C4orf54: variants seen among roughly 807,000 people sequenced by gnomAD.
C4orf54 encodes the protein uncharacterized protein C4orf54.
A neutral mutation model predicts 80.1 loss-of-function variants in C4orf54; 67 were observed. The observed-to-expected ratio is 0.84, with a 90% CI of 0.69 to 1.03. The LOEUF is 1.03. C4orf54 is among the 50% of genes least tolerant of loss of function. The probability of loss-of-function intolerance (pLI) is 0.00; values close to 1 mark genes in which losing one functional copy is unlikely to be tolerated. For missense variants in C4orf54, 2,434 were observed against 2,253.5 expected (o/e 1.08, Z -1.62); for synonymous variants, 1,000 against 917.0 (o/e 1.09, Z -1.64).
In C4orf54 at chr4:99,653,684, C is replaced by T. The variant is rs1490032028; in HGVS notation, c.965G>A (p.Gly322Glu). The stretch of plus-strand genomic sequence containing the variant: ...TCCCCCTCCTCCTGATATTTTCTCT[C>T]CTTCTCCTCCCACGGCCTGGCAACC... ...SEGCQAVGGEGEKISGGGGGG... is the reference protein window; with the variant it reads ...SEGCQAVGGEEEKISGGGGGG... The change falls in exon 2 of 3, where the codon GGA becomes GAA. Residue 322 changes from glycine (G) to glutamate (E), a missense_variant. Gly to Glu is a moderately conservative substitution (Grantham distance 98). Transcript: ENST00000511828. 6.6e-6 allele frequency: 10 copies of T among 1,526,136 alleles called. No homozygotes were observed. Among genetic ancestry groups the T allele is most frequent in the Non-Finnish European group, 8.8e-6 (10 of 1,141,588 alleles). 94.5% of individuals were successfully genotyped at this position (1,526,136 alleles called of 1,614,324 possible).
chr4:99,646,042 A>T (rs1056171509), intron 2 of C4orf54, among the ~76,000 whole-genome samples: 3 of 152,194 alleles, frequency 2.0e-5, no homozygotes, highest in Admixed American at 2.0e-4. Context: ...TTTTTTAATA[A>T]AGGAACATTT....
Position 99,652,484 on chromosome 4 carries a change from C to G in C4orf54, c.2165G>C (p.Ser722Thr). Reference sequence around the variant, plus strand: ...ATGTTTGATTTCCCCCTCGACTTTGCTGACCACGAACTCCAAGGCCTTGGT... The same window carrying G: ...ATGTTTGATTTCCCCCTCGACTTTGGTGACCACGAACTCCAAGGCCTTGGT... Reference protein sequence around the residue: ...SQTKALEFVVSKVEGEIKHVE... With the variant: ...SQTKALEFVVTKVEGEIKHVE... The change falls in exon 2 of 3, where the codon AGC (serine) becomes ACC (threonine). Residue 722 changes from serine (S) to threonine (T), a missense_variant. Transcript: ENST00000511828. 6.5e-7 allele frequency: 1 copy of G among 1,535,818 alleles called. No homozygotes were observed. The highest frequency in any genetic ancestry group is 8.7e-7 in the Non-Finnish European group (1 of 1,146,692).
chr4:99,654,778 T>A (rs1042008842), intron 1 of C4orf54, 99 bp from the exon 2 acceptor site: 1 of 587,266 alleles, frequency 1.7e-6, no homozygotes, highest in South Asian at 2.2e-5. Flanking sequence ...AAGAAGAGGC[T>A]CTAATGAGAT....
In C4orf54 at chr4:99,651,914, C is replaced by T; in HGVS notation, c.2735G>A (p.Arg912Gln). Residue 912 changes from arginine to glutamine, a missense_variant, in exon 2 of 3, where the codon CGG becomes CAG. Transcript: ENST00000511828. ...TTCTGTGTGTCCATCGGTGAAATTC[C>T]GGCCAGGGCCTGCGTTGCGCTCGCG... ...TPRERNAGPG[R>Q]NFTDGHTEVC... 2 of 1,536,126 alleles carry T rather than the reference C, an allele frequency of 1.3e-6. No homozygotes were observed. The highest frequency in any genetic ancestry group is 1.7e-6 in the Non-Finnish European group (2 of 1,146,904).
Position 99,638,832 on chromosome 4 carries a change from A to G in C4orf54, c.*2401T>C, listed in dbSNP as rs1024740301. On this transcript the variant is annotated 3_prime_UTR_variant, in exon 3 of 3. Coordinates refer to ENST00000511828, the MANE Select transcript of C4orf54 (RefSeq NM_001354435.2). ...ATTTGGTGAAATAGAGAACCATAAA[A>G]TTATCGATAGATGACATGATATTAA... is the stretch of plus-strand genomic sequence containing the variant. The G allele has an allele frequency of 1.3e-5, 2 of 152,168 alleles. No individual in the cohort carries two copies. The highest frequency in any genetic ancestry group is 2.4e-5 in the African/African-American group (1 of 41,468). 9.4% of individuals were successfully genotyped at this position (152,168 alleles called of 1,614,324 possible).
chr4:99,647,739 A>C (rs1352036780), intron 2 of C4orf54, among the ~76,000 whole-genome samples: 1 of 152,184 alleles, frequency 6.6e-6, no homozygotes, highest in African/African-American at 2.4e-5. Flanking sequence ...ATTTGAACAA[A>C]ATTTTTAGCT....
chr4:99,653,332 G>T lies in C4orf54; in HGVS notation c.1317C>A (p.Thr439=), dbSNP rs1420675584. The change falls in exon 2 of 3, where the codon ACC becomes ACA. Residue 439 remains threonine (T), a synonymous_variant. Coordinates refer to ENST00000511828, the MANE Select transcript of C4orf54 (RefSeq NM_001354435.2). ...NSCYLSTTPS[T]NTTRTPSPTS... ...TAGGGCTGGGCGTCCGGGTGGTGTT[G>T]GTGCTGGGAGTGGTGCTGAGGTAGC... The T allele has an allele frequency of 3.3e-6, 5 of 1,534,580 alleles. No individual in the cohort carries two copies. The highest frequency in any genetic ancestry group is 2.4e-5 in the South Asian group (2 of 83,952).
At chr4:99,649,194 T>C in intron 2 of C4orf54, 37 bp downstream of exon 2, 1 of 1,425,808 alleles carries the variant, frequency 7.0e-7, no homozygotes, top group South Asian at 1.5e-5. Context: ...TTGTTCTTAC[T>C]CTCTTAAACC....
In C4orf54 at chr4:99,648,878, C is replaced by A. The variant is rs550529902; in HGVS notation, c.*36+353G>T. Among the ~76,000 whole-genome samples, 23 of 152,258 alleles carry A rather than the reference C, an allele frequency of 1.5e-4. No individual in the cohort carries two copies. In the South Asian group the frequency reaches 3.5e-3, roughly 23 times the overall value. On this transcript the variant is annotated intron_variant, in intron 2 of 2. Coordinates refer to ENST00000511828, the MANE Select transcript of C4orf54 (RefSeq NM_001354435.2). ...TGTCATGAACAGAGTGAGGCTCACT[C>A]CACAAAATCCAAGCTGGGTTTTCAT... is the stretch of plus-strand genomic sequence containing the variant.
intron 2 of C4orf54, among the ~76,000 whole-genome samples, chr4:99,644,571 G>A (rs1290411479): frequency 3.3e-5 from 5 of 152,020 alleles, no homozygotes; most frequent in South Asian, 2.1e-4. Context: ...AAAATAAAAC[G>A]TCTAGGTTAT....
Position 99,651,505 on chromosome 4 carries a change from C to A in C4orf54, c.3144G>T (p.Leu1048Phe), listed in dbSNP as rs553492403. Residue 1048 changes from leucine (L) to phenylalanine (F), a missense_variant, in exon 2 of 3, where the codon TTG becomes TTT. Transcript: ENST00000511828. ...TGCCACCGGCCAGCTTGGGCGTGAG[C>A]AACTTGGCAATGTTGAAGTCTGAGC... Reference protein sequence around the residue: ...QPSSDFNIAKLLTPKLAGGSA... With the variant: ...QPSSDFNIAKFLTPKLAGGSA... 5.2e-6 allele frequency: 8 copies of A among 1,536,098 alleles called. No homozygotes were observed. In the Admixed American group the frequency reaches 5.9e-5, roughly 11 times the overall value.
In C4orf54 at chr4:99,653,883, G is replaced by A; in HGVS notation, c.766C>T (p.Gln256Ter). ...CCACCCTCTTCAGAGGCAGAGTGCT[G>A]GGATCTAGAGAGTTGGGAGGAGGCA... ...NPASSQLSRS[Q>*]HSASEEGGNF... The change falls in exon 2 of 3, where the codon CAG becomes TAG. Residue 256 changes from glutamine to a stop codon, truncating the protein, a stop_gained. Coordinates refer to ENST00000511828, the MANE Select transcript of C4orf54 (RefSeq NM_001354435.2). LOFTEE classifies it high-confidence loss of function. The A allele has an allele frequency of 6.5e-7, 1 of 1,536,302 alleles. No homozygotes were observed. The highest frequency in any genetic ancestry group is 8.7e-7 in the Non-Finnish European group (1 of 1,146,902).
In C4orf54 at chr4:99,651,001, G is replaced by A. The variant is rs1434718365; in HGVS notation, c.3648C>T (p.Tyr1216=). The A allele has an allele frequency of 1.3e-5, 20 of 1,536,096 alleles. No individual in the cohort carries two copies. In the South Asian group the frequency reaches 1.5e-4, roughly 12 times the overall value. ...TGGAGACAATCTTGAGCACAGGCAG[G>A]TATGAGCCCTGCTCGGGCTTATTGG... ...IAPNKPEQGS[Y]LPVLKIVSKA... The change falls in exon 2 of 3, where the codon TAC becomes TAT. Residue 1216 remains tyrosine (Y), a synonymous_variant. Transcript: ENST00000511828.
rs1031384508 is a variant in C4orf54, at chr4:99,650,750, T to C, written c.3899A>G (p.Glu1300Gly). ...GTCTCCATCAGCAACCACTACCCCT[T>C]CCCTCTCCTCACTGGCAATGAGCGA... ...VLSLIASEER[E>G]GVVVADGDHD... is the part of the protein sequence containing the mutation. Residue 1300 changes from glutamate to glycine, a missense_variant, in exon 2 of 3, where the codon GAA becomes GGA. By Grantham distance (98) the Glu-to-Gly change is moderately conservative. Transcript: ENST00000511828. 41 of 1,535,944 alleles carry C rather than the reference T, an allele frequency of 2.7e-5. No homozygotes were observed. In the African/African-American group the frequency reaches 5.2e-4, roughly 20 times the overall value.
Position 99,652,738 on chromosome 4 carries a change from G to C in C4orf54, c.1911C>G (p.Pro637=). ...TSRAFRSLAY[P]YFEALNISSR... ...AGCTGATGTTCAGAGCCTCAAAGTA[G>C]GGGTAAGCCAGGCTCCGGAAGGCCC... is the stretch of plus-strand genomic sequence containing the variant. The change falls in exon 2 of 3, where the codon CCC becomes CCG. Residue 637 remains proline, a synonymous_variant. Coordinates refer to ENST00000511828, the MANE Select transcript of C4orf54 (RefSeq NM_001354435.2). 1 of 1,536,116 alleles carries C rather than the reference G, an allele frequency of 6.5e-7. No homozygotes were observed. Among genetic ancestry groups the C allele is most frequent in the Non-Finnish European group, 8.7e-7 (1 of 1,146,910 alleles).
Position 99,650,131 on chromosome 4 carries a change from T to C in C4orf54, c.4518A>G (p.Leu1506=). The C allele has an allele frequency of 3.3e-6, 5 of 1,535,246 alleles. 1 individual carries two copies. The highest frequency in any genetic ancestry group is 2.4e-5 in the East Asian group (1 of 40,840). Residue 1506 remains leucine (L), a synonymous_variant, in exon 2 of 3, where the codon TTA becomes TTG. Transcript: ENST00000511828. ...PNSSAATLCS[L]PPLSARSQVP... ...CCTGACTGCGGGCACTCAGCGGGGGTAAACTACAGAGAGTGGCAGCTGAGG... is the reference window on the plus strand; with the variant it reads ...CCTGACTGCGGGCACTCAGCGGGGGCAAACTACAGAGAGTGGCAGCTGAGG...
rs1365654377 is a variant in C4orf54, at chr4:99,653,122, T to TGCG, written c.1524_1526dup (p.Ala509dup). 1 of 1,536,152 alleles carries TGCG rather than the reference T, an allele frequency of 6.5e-7. No individual in the cohort carries two copies. Among genetic ancestry groups the TGCG allele is most frequent in the Non-Finnish European group, 8.7e-7 (1 of 1,146,904 alleles). ...GGCTTGCTGCACTCCCACAGCTGCT[T>TGCG]GCGGCGGCGGCTGCTGCCCCTGAAG... On this transcript the variant is annotated inframe_insertion, in exon 2 of 3. Coordinates refer to ENST00000511828, the MANE Select transcript of C4orf54 (RefSeq NM_001354435.2).
chr4:99,649,978 G>A lies in C4orf54; in HGVS notation c.4671C>T (p.Thr1557=). 6.5e-7 allele frequency: 1 copy of A among 1,535,432 alleles called. No homozygotes were observed. Among genetic ancestry groups the A allele is most frequent in the East Asian group, 2.4e-5 (1 of 40,878 alleles). Residue 1557 remains threonine, a synonymous_variant, in exon 2 of 3, where the codon ACC becomes ACT. Transcript: ENST00000511828. ...GCAGCGGCGGCTGGTGGTAGATGGT[G>A]GTGGGGGGATGCTCGGGGCTCTGTG... ...PGPQSPEHPP[T]TIYHQPPLPF...
intron 2 of C4orf54, 113 bp from the exon 3 acceptor site, chr4:99,641,309 G>A (rs1726603923): frequency 6.6e-6 from 1 of 152,146 alleles, no homozygotes; most frequent in South Asian, 2.1e-4. Context: ...TTATTTAACT[G>A]TTTGACTAAT....
Sources: gnomAD v4.1 joint callset for allele counts (sites outside exome capture counted in the v4.1 genomes callset) on GRCh38, gnomAD v4.1.1 for gene constraint, MANE v1.5 for transcripts, NCBI Gene and HGNC (gene_info 2026-07-23, HGNC 2026-07-21) for gene names.